The following FAHD2A variants were observed in gnomAD, a reference collection of about 807,000 sequenced individuals.
FAHD2A encodes fumarylacetoacetate hydrolase domain containing 2A, also known as oxaloacetate tautomerase FAHD2A, mitochondrial.
In FAHD2A, 27 loss-of-function variants were observed where a neutral mutation model predicts 33.4. The observed-to-expected ratio is 0.81, with a 90% CI of 0.60 to 1.11. The LOEUF (loss-of-function observed/expected upper bound fraction) is 1.11, where lower values mean the gene tolerates loss of function less well. Ranked by LOEUF, FAHD2A falls within the 50% of genes most tolerant of loss-of-function variation. The pLI, the probability that FAHD2A is intolerant of heterozygous loss-of-function variation, is 0.00. For missense variants in FAHD2A, 296 were observed against 395.0 expected, an observed-to-expected ratio of 0.75 and a Z score of 2.12; for synonymous variants, 130 against 153.3, an observed-to-expected ratio of 0.85 and a Z score of 1.12.
chr2:95,414,032 A>C lies in FAHD2A; in HGVS notation c.*1075A>C. The C allele has an allele frequency of 6.9e-7, 1 of 1,456,446 alleles. No homozygotes were observed. Among genetic ancestry groups the C allele is most frequent in the South Asian group, 1.1e-5 (1 of 87,672 alleles). 90.2% of individuals were successfully genotyped at this position (1,456,446 alleles called of 1,614,324 possible). On this transcript the variant is annotated 3_prime_UTR_variant, in exon 8 of 8. Transcript: ENST00000233379. ...CTGCACACTCTGGAAAGAAGAGAGA[A>C]GTGAAGGCTCTAGGTAGGGAGGACA...
chr2:95,421,158 A>G (rs1453536262), downstream of FAHD2A, among the ~76,000 whole-genome samples: 1 of 121,114 alleles, frequency 8.3e-6, no homozygotes, highest in Non-Finnish European at 1.6e-5. Context: ...GGAATCCCAG[A>G]AGAAAATCTT....
At chr2:95,418,555 A>G (rs1311340454), downstream of FAHD2A, among the ~76,000 whole-genome samples, 25 of 152,028 alleles carry the variant, frequency 1.6e-4, no homozygotes, top group Non-Finnish European at 1.5e-5. Context: ...AATCTGAAAG[A>G]CAGGAAGAGC....
intron 3 of FAHD2A, among the ~76,000 whole-genome samples, chr2:95,409,862 A>ATGTAC: frequency 6.6e-6 from 1 of 152,184 alleles, no homozygotes; most frequent in South Asian, 2.1e-4. Flanking sequence ...TAGGCTTATC[A>ATGTAC]TGTACTGTCT....
At chr2:95,419,256 GA>G (rs755888406), downstream of FAHD2A, among the ~76,000 whole-genome samples, 13 of 152,052 alleles carry the variant, frequency 8.5e-5, no homozygotes, top group Non-Finnish European at 1.9e-4. Context: ...ACTTTTATAA[GA>G]AATGTGTTCA....
chr2:95,420,810 G>A (rs1683303742), downstream of FAHD2A, among the ~76,000 whole-genome samples: 1 of 151,942 alleles, frequency 6.6e-6, no homozygotes, highest in African/African-American at 2.4e-5. Context: ...TAACCTTAAG[G>A]ACCTGCAATA....
Position 95,414,303 on chromosome 2 carries a change from A to G in FAHD2A, c.*1346A>G. On this transcript the variant is annotated 3_prime_UTR_variant, in exon 8 of 8. Transcript: ENST00000233379. ...GCAGGAACTGGAACAGCTGTTGGAG[A>G]GGAGAAGAAAAAGAAGACATCAAAA... 1 of 1,173,448 alleles carries G rather than the reference A, an allele frequency of 8.5e-7. No homozygotes were observed. Among genetic ancestry groups the G allele is most frequent in the South Asian group, 1.2e-5 (1 of 81,074 alleles). 72.7% of individuals were successfully genotyped at this position (1,173,448 alleles called of 1,614,324 possible).
At chr2:95,418,846 CT>C (rs761880498), downstream of FAHD2A, among the ~76,000 whole-genome samples, 3 of 152,120 alleles carry the variant, frequency 2.0e-5, no homozygotes, top group Non-Finnish European at 4.4e-5. Flanking sequence ...ATCCCAGTAC[CT>C]AGAAATAGAA....
At chr2:95,411,100 T>A (rs1217091126) in intron 5 of FAHD2A, 74 bp downstream of exon 5, 1 of 1,581,044 alleles carries the variant, frequency 6.3e-7, no homozygotes, top group East Asian at 2.2e-5. Context: ...GAGCATGGGT[T>A]CAGGTACATG....
chr2:95,414,348 G>A lies in FAHD2A; in HGVS notation c.*1391G>A, dbSNP rs1352076252. ...TCAAAAAGAAAATCTAGTGCTGGGTGGATATAGAGTATGAAGATGTGGAGC... is the reference window on the plus strand; with the variant it reads ...TCAAAAAGAAAATCTAGTGCTGGGTAGATATAGAGTATGAAGATGTGGAGC... On this transcript the variant is annotated 3_prime_UTR_variant, in exon 8 of 8. Transcript: ENST00000233379. 1.3e-5 allele frequency: 10 copies of A among 761,038 alleles called. No homozygotes were observed. Among genetic ancestry groups the A allele is most frequent in the Non-Finnish European group, 1.9e-5 (8 of 429,440 alleles). The allele number at this position is 761,038 out of a possible 1,614,324, so 47.1% of individuals were successfully genotyped here.
intron 2 of FAHD2A, among the ~76,000 whole-genome samples, chr2:95,406,672 G>T (rs917908083): frequency 5.6e-4 from 85 of 152,196 alleles, no homozygotes; most frequent in Admixed American, 9.8e-4. Flanking sequence ...AAGGGGAAAG[G>T]GAAACCTTTC....
chr2:95,412,405 A>G (rs758849982), intron 5 of FAHD2A, 29 bp from the exon 6 acceptor site: 2 of 1,612,910 alleles, frequency 1.2e-6, no homozygotes, highest in Non-Finnish European at 1.7e-6. Flanking sequence ...GAAAAGGGAT[A>G]ACTCCAAGGT....
At chr2:95,418,841 A>AGTACCT (rs1378112150), downstream of FAHD2A, among the ~76,000 whole-genome samples, 1 of 152,124 alleles carries the variant, frequency 6.6e-6, no homozygotes, top group Non-Finnish European at 1.5e-5. Context: ...TTCTCATCCC[A>AGTACCT]GTACCTAGAA....
rs751912165 is a variant in FAHD2A, at chr2:95,412,419, A to G, written c.686-15A>G. 2.5e-6 allele frequency: 4 copies of G among 1,613,508 alleles called. No homozygotes were observed. The highest frequency in any genetic ancestry group is 3.4e-6 in the Non-Finnish European group (4 of 1,179,844). On this transcript the variant is annotated splice_polypyrimidine_tract_variant and intron_variant, in intron 5 of 7. Coordinates refer to ENST00000233379, the MANE Select transcript of FAHD2A (RefSeq NM_016044.3). ...GGAAAAGGGATAACTCCAAGGTACC[A>G]TCTTTGCATTTCAGATCCACACAAC...
rs1298865696 is a variant in FAHD2A, at chr2:95,412,954, G to T, written c.942G>T (p.Val314=). ...TAGGTGTCATCATCAACAAGGTGGTGTGATGGCTCCTGCACAGGCCCTGCA... is the reference window on the plus strand; with the variant it reads ...TAGGTGTCATCATCAACAAGGTGGTTTGATGGCTCCTGCACAGGCCCTGCA... ...EELGVIINKV[V] is the part of the protein sequence containing the mutation. Residue 314 remains valine (V), a synonymous_variant, in exon 8 of 8, where the codon GTG becomes GTT. Coordinates refer to ENST00000233379, the MANE Select transcript of FAHD2A (RefSeq NM_016044.3). 6 of 1,614,096 alleles carry T rather than the reference G, an allele frequency of 3.7e-6. No individual in the cohort carries two copies. The highest frequency in any genetic ancestry group is 5.1e-6 in the Non-Finnish European group (6 of 1,180,014).
rs750737011 is a variant in FAHD2A at position 95,405,783 on chromosome 2, C to A, written c.225C>A (p.Ala75=). 3.1e-6 allele frequency: 5 copies of A among 1,613,096 alleles called. No individual in the cohort carries two copies. In the South Asian group the frequency reaches 3.3e-5, roughly 11 times the overall value. The change falls in exon 2 of 8, where the codon GCC becomes GCA. Residue 75 remains alanine, a synonymous_variant. Coordinates refer to ENST00000233379, the MANE Select transcript of FAHD2A (RefSeq NM_016044.3). ...TMTQFLEQGE[A]TLSVARRALA... is the part of the protein sequence containing the mutation. The stretch of plus-strand genomic sequence containing the variant: ...CGCAGTTCCTAGAGCAGGGAGAGGC[C>A]ACCCTCTCAGTGGCAAGAAGGTAAG...
intron 1 of FAHD2A, 73 bp from the exon 2 acceptor site, chr2:95,405,480 C>A (rs1681370700): frequency 6.5e-7 from 1 of 1,545,802 alleles, no homozygotes; most frequent in Non-Finnish European, 8.7e-7. Flanking sequence ...GGGCTATAGC[C>A]CTAGGAATTT....
At chr2:95,417,754 GAGAC>G (rs1276665598), downstream of FAHD2A, among the ~76,000 whole-genome samples, 2 of 152,074 alleles carry the variant, frequency 1.3e-5, no homozygotes, top group African/African-American at 2.4e-5. Flanking sequence ...GGCAGAGAGA[GAGAC>G]AGAGAAAGAA....
rs1340929720 is a variant in FAHD2A, at chr2:95,416,468, T to C, written c.*3511T>C. 2 of 152,078 alleles carry C rather than the reference T, an allele frequency of 1.3e-5. No individual in the cohort carries two copies. Among genetic ancestry groups the C allele is most frequent in the Non-Finnish European group, 2.9e-5 (2 of 68,014 alleles). 9.4% of individuals were successfully genotyped at this position (152,078 alleles called of 1,614,324 possible). On this transcript the variant is annotated 3_prime_UTR_variant, in exon 8 of 8. Coordinates refer to ENST00000233379, the MANE Select transcript of FAHD2A (RefSeq NM_016044.3). ...AGCTCAGAAAGCCAATTCCCTAGATTCCAAAGGCCTTCCCAGACCAATTAG... is the reference window on the plus strand; with the variant it reads ...AGCTCAGAAAGCCAATTCCCTAGATCCCAAAGGCCTTCCCAGACCAATTAG...
chr2:95,417,022 C>G (rs1222067137), downstream of FAHD2A, among the ~76,000 whole-genome samples: 3 of 152,202 alleles, frequency 2.0e-5, no homozygotes, highest in Non-Finnish European at 4.4e-5. Context: ...TATCTCCCAC[C>G]AACACACTGC....
Sources: allele counts gnomAD v4.1 joint callset (sites outside exome capture counted in the v4.1 genomes callset), GRCh38; gene constraint gnomAD v4.1.1; transcripts MANE v1.5; gene names NCBI Gene and HGNC (gene_info 2026-07-23, HGNC 2026-07-21).